The following SOX5 variants were observed in gnomAD, a reference collection of about 807,000 sequenced individuals.
The protein encoded by SOX5 is SRY-box transcription factor 5.
In SOX5, 9 loss-of-function variants were observed where a neutral mutation model predicts 92.0. The ratio of observed to expected loss-of-function variants is 0.10; its 90% CI spans 0.06 to 0.17. The LOEUF (loss-of-function observed/expected upper bound fraction) is 0.17, where lower values mean the gene tolerates loss of function less well. Ranked by LOEUF, SOX5 falls within the 10% of genes least tolerant of loss-of-function variation. The pLI is 1.00. For synonymous variants in SOX5, 344 were observed against 336.3 expected (o/e 1.02, Z -0.25); for missense variants, 642 against 944.5 (o/e 0.68, Z 4.20).
chr12:24,447,081 C>G (rs1386426716), intron 1 of SOX5, among the ~76,000 whole-genome samples: 1 of 152,134 alleles, frequency 6.6e-6, no homozygotes, highest in African/African-American at 2.4e-5. Context: ...CTACACAATT[C>G]CAAACAATTC....
At chr12:23,586,322 C>G (rs940185318) in intron 9 of SOX5, among the ~76,000 whole-genome samples, 1 of 152,102 alleles carries the variant, frequency 6.6e-6, no homozygotes. Context: ...GTTCCACAAA[C>G]ACTATTCCCA....
At chr12:23,969,450 G>A (rs1947969187) in intron 4 of SOX5, among the ~76,000 whole-genome samples, 1 of 151,976 alleles carries the variant, frequency 6.6e-6, no homozygotes, top group African/African-American at 2.4e-5. Flanking sequence ...AAAACCTTTA[G>A]TATGGCCTAC....
intron 2 of SOX5, among the ~76,000 whole-genome samples, chr12:24,336,073 GT>G (rs1236831658): frequency 2.1e-5 from 3 of 141,710 alleles, no homozygotes; most frequent in Admixed American, 7.4e-5. Flanking sequence ...ATGGGGATAC[GT>G]TTTTTTTGTG....
rs141526555 is a variant in SOX5 at position 24,052,767 on chromosome 12, C to T, written c.-1-156743G>A. Among the ~76,000 whole-genome samples, 9 of 152,308 alleles carry T rather than the reference C, an allele frequency of 5.9e-5. No individual in the cohort carries two copies. In the South Asian group the frequency reaches 8.3e-4, roughly 14 times the overall value. Reference sequence around the variant, plus strand: ...TACATAAATGAAACTGGCTAACTGGCTTCAAGTAACAATTTTAAGGAAGTG... The same window carrying T: ...TACATAAATGAAACTGGCTAACTGGTTTCAAGTAACAATTTTAAGGAAGTG... On this transcript the variant is annotated intron_variant, in intron 4 of 4. Coordinates refer to the SOX5 transcript ENST00000446891.
intron 3 of SOX5, among the ~76,000 whole-genome samples, chr12:24,229,905 T>TA (rs1038989647): frequency 6.6e-6 from 1 of 152,238 alleles, no homozygotes; most frequent in African/African-American, 2.4e-5. Flanking sequence ...TAAAGAGTTC[T>TA]AAGTTCAAAC....
chr12:23,807,086 C>G (rs770639909), intron 3 of SOX5, among the ~76,000 whole-genome samples: 25 of 151,794 alleles, frequency 1.6e-4, no homozygotes, highest in Admixed American at 1.2e-3. Context: ...TCCATGAAAT[C>G]AAAAATTATG....
chr12:23,659,445 CTATT>C (rs2082735091), intron 7 of SOX5, among the ~76,000 whole-genome samples: 1 of 152,156 alleles, frequency 6.6e-6, no homozygotes, highest in Admixed American at 6.5e-5. Flanking sequence ...TCATCGACTT[CTATT>C]TATTTAAGCT....
intron 1 of SOX5, among the ~76,000 whole-genome samples, chr12:24,524,340 C>CATCTATCTATCTATCTATCTATCT (rs146131503): frequency 6.9e-6 from 1 of 145,150 alleles, no homozygotes; most frequent in African/African-American, 2.6e-5. Context: ...AATCCCCTCC[C>CATCTATCTATCTATCTATCTATCT]ATCTATCTAT....
intron 4 of SOX5, among the ~76,000 whole-genome samples, chr12:24,110,656 C>T (rs1947213367): frequency 6.6e-6 from 1 of 151,820 alleles, no homozygotes; most frequent in African/African-American, 2.4e-5. Context: ...GAGGCCGAGG[C>T]GGACGGATCA....
At chr12:23,836,506 G>A (rs12300504) in intron 3 of SOX5, among the ~76,000 whole-genome samples, 2,609 of 152,074 alleles carry the variant, frequency 0.017, 76 homozygotes, top group African/African-American at 0.059. Context: ...ATGAAAGAGA[G>A]CTGTCTCTTC....
At chr12:24,174,374 C>T (rs746503401) in intron 4 of SOX5, among the ~76,000 whole-genome samples, 14 of 152,114 alleles carry the variant, frequency 9.2e-5, no homozygotes, top group Non-Finnish European at 7.4e-5. Flanking sequence ...AAAGGACTTA[C>T]AAATAGCTGC....
intron 9 of SOX5, among the ~76,000 whole-genome samples, chr12:23,587,388 CA>C (rs1407592349): frequency 6.6e-6 from 1 of 152,060 alleles, no homozygotes; most frequent in Non-Finnish European, 1.5e-5. Context: ...GACTTGAACC[CA>C]AGTCATAAAG....
rs1944238198 is a variant in SOX5, at chr12:24,274,767, C to T, written c.-77+2449G>A. On this transcript the variant is annotated intron_variant, in intron 3 of 4. Coordinates refer to the SOX5 transcript ENST00000446891. ...CACTCATCTTAGAGTTAGATTCTCA[C>T]TCTTCTAATATTCTAAGGTAACATA... is the stretch of plus-strand genomic sequence containing the variant. 3.3e-5 allele frequency among the ~76,000 whole-genome samples: 5 copies of T among 152,068 alleles called. No homozygotes were observed. In the South Asian group the frequency reaches 1.0e-3, roughly 32 times the overall value.
chr12:24,057,726 G>A (rs1462255960), intron 4 of SOX5, among the ~76,000 whole-genome samples: 8 of 152,008 alleles, frequency 5.3e-5, no homozygotes, highest in African/African-American at 7.2e-5. Context: ...ATGTTACCAC[G>A]TGTAACTATA....
intron 4 of SOX5, among the ~76,000 whole-genome samples, chr12:24,192,474 G>A (rs542465779): frequency 6.6e-6 from 1 of 152,294 alleles, no homozygotes; most frequent in East Asian, 1.9e-4. Flanking sequence ...TGCAGTTCTT[G>A]TAATATGGTT....
chr12:24,421,631 C>T (rs1965930918), intron 1 of SOX5, among the ~76,000 whole-genome samples: 1 of 152,098 alleles, frequency 6.6e-6, no homozygotes, highest in East Asian at 1.9e-4. Context: ...TAAAAGATTC[C>T]TCTGCTCTCA....
At chr12:24,194,483 G>T (rs1215862294) in intron 4 of SOX5, among the ~76,000 whole-genome samples, 2 of 152,034 alleles carry the variant, frequency 1.3e-5, no homozygotes, top group Non-Finnish European at 2.9e-5. Flanking sequence ...GTAAAAACTG[G>T]ATTTGGTTCA....
At chr12:23,593,027 C>T (rs1028987158) in intron 9 of SOX5, among the ~76,000 whole-genome samples, 2 of 152,026 alleles carry the variant, frequency 1.3e-5, no homozygotes, top group African/African-American at 4.8e-5. Context: ...TGCAGTGAGC[C>T]AAGATCGCGC....
chr12:23,957,831 C>A (rs964012976), intron 4 of SOX5, among the ~76,000 whole-genome samples: 1 of 151,960 alleles, frequency 6.6e-6, no homozygotes, highest in East Asian at 1.9e-4. Flanking sequence ...AAATTTATAC[C>A]CGTATTTTAA....
Sources: gnomAD v4.1 joint callset for allele counts (sites outside exome capture counted in the v4.1 genomes callset) on GRCh38, gnomAD v4.1.1 for gene constraint, MANE v1.5 for transcripts, NCBI Gene and HGNC (gene_info 2026-07-23, HGNC 2026-07-21) for gene names.